Variants in PSD3 observed in about 807,000 individuals in gnomAD.
PSD3 encodes the protein pleckstrin and Sec7 domain containing 3, also known as PH and SEC7 domain-containing protein 3.
In PSD3, 49 loss-of-function variants were observed where a neutral mutation model predicts 105.5. The observed-to-expected ratio is 0.46, with a 90% CI of 0.37 to 0.59. The LOEUF (loss-of-function observed/expected upper bound fraction) is 0.59, where lower values mean the gene tolerates loss of function less well. Among genes scored for constraint, PSD3 ranks in the 20% least tolerant of loss-of-function variants. The pLI is 0.00. For missense variants in PSD3, 1,561 were observed against 1,263.8 expected (o/e 1.24, Z -3.57); for synonymous variants, 557 against 457.8 (o/e 1.22, Z -2.77).
At chr8:18,791,916 A>T (rs1012782942) in intron 8 of PSD3, among the ~76,000 whole-genome samples, 1 of 152,232 alleles carries the variant, frequency 6.6e-6, no homozygotes, top group Non-Finnish European at 1.5e-5. Flanking sequence ...GGCAAAGGAC[A>T]CAAAGAGACA....
chr8:18,631,494 C>A (rs185596036), intron 11 of PSD3, among the ~76,000 whole-genome samples: 113 of 152,062 alleles, frequency 7.4e-4, no homozygotes, highest in African/African-American at 2.5e-3. Flanking sequence ...GTATAAAGGA[C>A]CTCATTCCAA....
rs1266711154 is a variant in PSD3, at chr8:18,679,005, TTAGGA to T, written c.2173-23325_2173-23321del. Among the ~76,000 whole-genome samples the T allele has an allele frequency of 7.8e-5, 9 of 114,768 alleles. No homozygotes were observed. The East Asian group carries it at 1.3e-3, about 17-fold the overall frequency. 75.3% of individuals were successfully genotyped at this position (114,768 alleles called of 152,430 possible). The stretch of plus-strand genomic sequence containing the variant: ...GAGGTTAAAAATGTACTCCTTCAAC[TTAGGA>T]ATAACAAAAATATGTAAAGACATTT... On this transcript the variant is annotated intron_variant, in intron 9 of 15. Transcript: ENST00000327040.
At chr8:18,804,640 A>T (rs760601706) in intron 5 of PSD3, 38 bp from the exon 6 acceptor site, 2 of 1,610,698 alleles carry the variant, frequency 1.2e-6, no homozygotes, top group Admixed American at 3.3e-5. Context: ...ATTGAAAGGT[A>T]AACTATTTAA....
At chr8:18,772,056 G>T (rs761361996) in intron 8 of PSD3, among the ~76,000 whole-genome samples, 1 of 152,112 alleles carries the variant, frequency 6.6e-6, no homozygotes, top group Non-Finnish European at 1.5e-5. Flanking sequence ...CATGTGACAG[G>T]ATTTCTTTCC....
At chr8:18,992,094 G>C (rs759955637) in intron 1 of PSD3, among the ~76,000 whole-genome samples, 5 of 152,082 alleles carry the variant, frequency 3.3e-5, no homozygotes, top group Admixed American at 6.5e-5. Context: ...CCAGTCTATG[G>C]TAGAACATTT....
At chr8:18,973,158 C>T (rs1368823469) in intron 1 of PSD3, among the ~76,000 whole-genome samples, 1 of 152,144 alleles carries the variant, frequency 6.6e-6, no homozygotes, top group East Asian at 1.9e-4. Flanking sequence ...GAGTTCATCT[C>T]CAGGTTTCCC....
intron 4 of PSD3, among the ~76,000 whole-genome samples, chr8:18,817,432 C>G (rs561957317): frequency 3.3e-5 from 5 of 152,064 alleles, no homozygotes; most frequent in Non-Finnish European, 7.4e-5. Flanking sequence ...GCACTGTGCC[C>G]CGAGGGCTAG....
intron 2 of PSD3, among the ~76,000 whole-genome samples, chr8:18,909,098 A>G (rs1001167617): frequency 3.9e-5 from 6 of 152,236 alleles, no homozygotes; most frequent in African/African-American, 1.2e-4. Context: ...ATTACATTTC[A>G]GATATTTAGC....
chr8:18,944,089 T>C (rs565896558), intron 1 of PSD3, among the ~76,000 whole-genome samples: 1 of 152,306 alleles, frequency 6.6e-6, no homozygotes, highest in African/African-American at 2.4e-5. Context: ...CTATGATGGT[T>C]TTGAAAGTTT....
chr8:18,643,835 T>C (rs921306590), intron 10 of PSD3, among the ~76,000 whole-genome samples: 1 of 152,254 alleles, frequency 6.6e-6, no homozygotes, highest in South Asian at 2.1e-4. Context: ...GCCATGCCTC[T>C]ACAGCTCTTA....
chr8:18,595,855 G>A (rs1016387885), intron 12 of PSD3, among the ~76,000 whole-genome samples: 17 of 151,980 alleles, frequency 1.1e-4, no homozygotes, highest in African/African-American at 3.6e-4. Context: ...CTTCTAGACA[G>A]AAGACTAATA....
At chr8:18,554,807 T>A (rs1019856120) in intron 15 of PSD3, among the ~76,000 whole-genome samples, 1 of 152,062 alleles carries the variant, frequency 6.6e-6, no homozygotes, top group Non-Finnish European at 1.5e-5. Context: ...AGCTAGTATA[T>A]CTGGATCAGG....
chr8:18,636,637 G>A (rs1487481079), intron 10 of PSD3, among the ~76,000 whole-genome samples: 5 of 152,044 alleles, frequency 3.3e-5, no homozygotes, highest in Non-Finnish European at 7.4e-5. Context: ...ATGGTAAAGT[G>A]CCCTAAACAG....
At position 18,781,614 on chromosome 8, in the gene PSD3, C is replaced by T. The variant is rs146241073; in HGVS notation, c.2083-16076G>A. Reference sequence around the variant, plus strand: ...GATACTCTTCTCTGTGACTTGACCCCTTTGCTGTATTTAGAATTCTCTTTT... The same window carrying T: ...GATACTCTTCTCTGTGACTTGACCCTTTTGCTGTATTTAGAATTCTCTTTT... On this transcript the variant is annotated intron_variant, in intron 8 of 15. Coordinates refer to ENST00000327040, the MANE Select transcript of PSD3 (RefSeq NM_015310.4). 4.6e-3 allele frequency among the ~76,000 whole-genome samples: 701 copies of T among 152,214 alleles called. 6 individuals are homozygous for T. Among genetic ancestry groups the T allele is most frequent in the African/African-American group, 0.016 (652 of 41,498 alleles).
chr8:18,592,974 A>G (rs1163601891), intron 12 of PSD3, among the ~76,000 whole-genome samples: 1 of 152,224 alleles, frequency 6.6e-6, no homozygotes, highest in Non-Finnish European at 1.5e-5. Flanking sequence ...AAATTAATTC[A>G]AGATGGATTA....
chr8:18,630,319 T>G (rs1267048028), intron 11 of PSD3, among the ~76,000 whole-genome samples: 1 of 151,966 alleles, frequency 6.6e-6, no homozygotes, highest in Non-Finnish European at 1.5e-5. Context: ...GTGTCTGTGA[T>G]GTCTCAACTG....
At chr8:18,730,806 A>G (rs1254470584) in intron 9 of PSD3, among the ~76,000 whole-genome samples, 1 of 152,148 alleles carries the variant, frequency 6.6e-6, no homozygotes, top group Non-Finnish European at 1.5e-5. Context: ...GAAATTTAAG[A>G]TATAACTGAA....
rs571279954 is a variant in PSD3, at chr8:18,623,791, G to A, written c.2410+8822C>T. ...ACTGGGTACTTGTCAGTGACTGCCT[G>A]TTATTCTCCTTTCCAGAAGTAACAA... On this transcript the variant is annotated intron_variant, in intron 11 of 15. Coordinates refer to ENST00000327040, the MANE Select transcript of PSD3 (RefSeq NM_015310.4). Among the ~76,000 whole-genome samples the A allele has an allele frequency of 1.6e-4, 24 of 152,226 alleles. No individual in the cohort carries two copies. The South Asian group carries it at 4.8e-3, about 30-fold the overall frequency.
chr8:18,761,961 G>C (rs1806577794), intron 9 of PSD3, among the ~76,000 whole-genome samples: 1 of 152,198 alleles, frequency 6.6e-6, no homozygotes. Context: ...TGGTCATGTA[G>C]TTGAGAGGGG....
Sources: gnomAD v4.1 joint callset for allele counts (sites outside exome capture counted in the v4.1 genomes callset) on GRCh38, gnomAD v4.1.1 for gene constraint, MANE v1.5 for transcripts, NCBI Gene and HGNC (gene_info 2026-07-23, HGNC 2026-07-21) for gene names.